Variants in KIF6 observed in about 807,000 individuals in gnomAD.
KIF6 encodes kinesin family member 6, also known as kinesin-like protein KIF6.
Under a neutral mutation model 112.7 loss-of-function variants are expected in KIF6, and 106 were observed. The ratio of observed to expected loss-of-function variants is 0.94; its 90% CI spans 0.80 to 1.11. The LOEUF is 1.11. KIF6 is among the 50% of genes least tolerant of loss of function. KIF6 has a pLI of 0.00. For synonymous variants in KIF6, 339 were observed against 339.9 expected, an observed-to-expected ratio of 1.00 and a Z score of 0.03; for missense variants, 929 against 964.0, an observed-to-expected ratio of 0.96 and a Z score of 0.48.
At chr6:39,388,032 G>A (rs114606640) in intron 15 of KIF6, among the ~76,000 whole-genome samples, 1,830 of 152,156 alleles carry the variant, frequency 0.012, 20 homozygotes, top group Admixed American at 0.027. Context: ...CCTTCCTAAT[G>A]AGCCTGGACA....
intron 15 of KIF6, among the ~76,000 whole-genome samples, chr6:39,415,083 G>C (rs1347359109): frequency 6.6e-6 from 1 of 152,012 alleles, no homozygotes; most frequent in Non-Finnish European, 1.5e-5. Flanking sequence ...AGCTACTCAG[G>C]AGGCTGAGGC....
At chr6:39,716,996 A>G (rs1225747718) in intron 2 of KIF6, among the ~76,000 whole-genome samples, 2 of 152,136 alleles carry the variant, frequency 1.3e-5, no homozygotes, top group Non-Finnish European at 2.9e-5. Context: ...TTATTTCTCA[A>G]CATTTCCACT....
intron 3 of KIF6, among the ~76,000 whole-genome samples, chr6:39,662,691 T>C (rs1356043932): frequency 2.0e-5 from 3 of 152,202 alleles, no homozygotes; most frequent in African/African-American, 7.2e-5. Context: ...CTGGGCAATA[T>C]ACTGAGCCCC....
intron 9 of KIF6, among the ~76,000 whole-genome samples, chr6:39,579,123 G>A (rs1448309958): frequency 1.3e-5 from 2 of 152,156 alleles, no homozygotes; most frequent in African/African-American, 2.4e-5. Flanking sequence ...CCTGGCTGGA[G>A]AGTATGTGCA....
In KIF6 at chr6:39,435,280, CAT is replaced by C. The variant is rs572790582; in HGVS notation, c.1646-4121_1646-4120del. ...TTACAATATCACAGAAAAACAGAAC[CAT>C]ATATGTTTTTTACTACCTGCATAGT... On this transcript the variant is annotated intron_variant, in intron 13 of 22. Transcript: ENST00000287152. 3.7e-3 allele frequency among the ~76,000 whole-genome samples: 569 copies of C among 152,258 alleles called. 2 individuals are homozygous for C. The highest frequency in any genetic ancestry group is 6.3e-3 in the Admixed American group (97 of 15,300).
intron 3 of KIF6, among the ~76,000 whole-genome samples, chr6:39,663,236 T>A (rs1488918753): frequency 6.6e-6 from 1 of 152,232 alleles, no homozygotes; most frequent in Admixed American, 6.5e-5. Flanking sequence ...GAAAAAAATC[T>A]GTTTTGGACT....
intron 1 of KIF6, among the ~76,000 whole-genome samples, chr6:39,724,768 G>A (rs1043260034): frequency 6.6e-6 from 1 of 152,146 alleles, no homozygotes. Flanking sequence ...GTGCATTTGT[G>A]TCTATCTATA....
chr6:39,622,346 GA>G (rs1319931773), intron 5 of KIF6, among the ~76,000 whole-genome samples: 1 of 150,644 alleles, frequency 6.6e-6, no homozygotes, highest in African/African-American at 2.5e-5. Flanking sequence ...TTTTAACTTT[GA>G]TGTATTAGAA....
At chr6:39,400,275 G>A (rs1768592304) in intron 15 of KIF6, among the ~76,000 whole-genome samples, 1 of 152,172 alleles carries the variant, frequency 6.6e-6, no homozygotes. Flanking sequence ...GCGAGCAAGA[G>A]GCAAGAAAGC....
At chr6:39,514,525 AC>A (rs2150515003) in intron 13 of KIF6, among the ~76,000 whole-genome samples, 1 of 152,366 alleles carries the variant, frequency 6.6e-6, no homozygotes, top group East Asian at 1.9e-4. Flanking sequence ...TTAGTTACAT[AC>A]ATACATGTAC....
At chr6:39,650,781 T>C (rs1785428116) in intron 3 of KIF6, among the ~76,000 whole-genome samples, 2 of 152,152 alleles carry the variant, frequency 1.3e-5, no homozygotes, top group Admixed American at 1.3e-4. Context: ...CTGAACTGGT[T>C]ACTTTGGGTT....
intron 3 of KIF6, among the ~76,000 whole-genome samples, chr6:39,682,048 G>A (rs1787549727): frequency 6.6e-6 from 1 of 152,136 alleles, no homozygotes; most frequent in Admixed American, 6.5e-5. Context: ...CATATCATGT[G>A]TCAGGCACTG....
At position 39,342,833 on chromosome 6, in the gene KIF6, A is replaced by G. The variant is rs1047289113; in HGVS notation, c.2428+876T>C. ...AGTTGCGGCGCTCCATCCATGCACA[A>G]ACCTCTTCCTGCCCAAACTGCACAC... On this transcript the variant is annotated intron_variant, in intron 22 of 22. Coordinates refer to ENST00000287152, the MANE Select transcript of KIF6 (RefSeq NM_145027.6). The surrounding 1 kb of genome is among the most constrained non-coding windows in gnomAD (Gnocchi z 4.7). 4.1e-6 allele frequency: 4 copies of G among 985,206 alleles called. No individual in the cohort carries two copies. The Admixed American group carries it at 1.8e-4, about 45-fold the overall frequency. 61.0% of individuals were successfully genotyped at this position (985,206 alleles called of 1,614,324 possible).
At chr6:39,675,825 T>C (rs1015874207) in intron 3 of KIF6, among the ~76,000 whole-genome samples, 3 of 151,930 alleles carry the variant, frequency 2.0e-5, no homozygotes, top group South Asian at 2.1e-4. Context: ...GATATCACCA[T>C]TGAAACTTTA....
intron 14 of KIF6, among the ~76,000 whole-genome samples, chr6:39,424,568 G>A (rs547343489): frequency 8.5e-5 from 13 of 152,194 alleles, no homozygotes; most frequent in African/African-American, 4.8e-5. Flanking sequence ...AGTGAGGAGC[G>A]CTAGACTGGA....
At chr6:39,428,837 C>T (rs1044509491) in intron 14 of KIF6, among the ~76,000 whole-genome samples, 1 of 152,230 alleles carries the variant, frequency 6.6e-6, no homozygotes, top group African/African-American at 2.4e-5. Context: ...CCACCTGCTG[C>T]GTCCTGCTTC....
At chr6:39,694,349 C>T (rs899068335) in intron 3 of KIF6, among the ~76,000 whole-genome samples, 7 of 152,038 alleles carry the variant, frequency 4.6e-5, no homozygotes, top group East Asian at 1.9e-4. Context: ...AAATAAAAGG[C>T]GTCCAAACAG....
intron 6 of KIF6, among the ~76,000 whole-genome samples, chr6:39,601,609 C>G (rs1482540474): frequency 6.6e-6 from 1 of 151,946 alleles, no homozygotes; most frequent in Non-Finnish European, 1.5e-5. Context: ...CTTCCTGGAA[C>G]CTGGACAATC....
intron 13 of KIF6, among the ~76,000 whole-genome samples, chr6:39,505,672 C>A (rs1776382422): frequency 6.6e-6 from 1 of 152,042 alleles, no homozygotes; most frequent in African/African-American, 2.4e-5. Context: ...ACCAAACAAC[C>A]CCATTAAACA....
Sources: gnomAD v4.1 joint callset for allele counts (sites outside exome capture counted in the v4.1 genomes callset) on GRCh38, gnomAD v4.1.1 for gene constraint, Gnocchi (gnomAD v3.1) non-coding constraint, MANE v1.5 for transcripts, NCBI Gene and HGNC (gene_info 2026-07-23, HGNC 2026-07-21) for gene names.